The following FAT3 variants were observed in gnomAD, a reference collection of about 807,000 sequenced individuals.
The protein encoded by FAT3 is FAT atypical cadherin 3.
In FAT3, 95 loss-of-function variants were observed where a neutral mutation model predicts 310.2. That is an observed-to-expected ratio of 0.31 (90% CI 0.26 to 0.36). The LOEUF (loss-of-function observed/expected upper bound fraction) is 0.36, where lower values mean the gene tolerates loss of function less well. Among genes scored for constraint, FAT3 ranks in the 10% least tolerant of loss-of-function variants. FAT3 has a pLI of 1.00. For missense variants in FAT3, 5,408 were observed against 5,715.6 expected (o/e 0.95, Z 1.74); for synonymous variants, 2,314 against 2,192.9 (o/e 1.06, Z -1.54).
chr11:92,562,485 A>G (rs2135473908), intron 3 of FAT3, among the ~76,000 whole-genome samples: 1 of 152,322 alleles, frequency 6.6e-6, no homozygotes, highest in African/African-American at 2.4e-5. Flanking sequence ...ATACTATCTC[A>G]CAATGTGTAT....
intron 3 of FAT3, among the ~76,000 whole-genome samples, chr11:92,639,964 A>G (rs1941898609): frequency 6.6e-6 from 1 of 152,122 alleles, no homozygotes; most frequent in South Asian, 2.1e-4. Flanking sequence ...CTAATGGCTT[A>G]TACATGCCAC....
intron 4 of FAT3, among the ~76,000 whole-genome samples, chr11:92,708,637 A>G (rs1591634138): frequency 6.6e-6 from 1 of 152,342 alleles, no homozygotes; most frequent in East Asian, 1.9e-4. Context: ...AATTCAGAAC[A>G]CTTAAGGCCT....
At chr11:92,357,597 G>T (rs1297859170) in intron 2 of FAT3, among the ~76,000 whole-genome samples, 1 of 152,120 alleles carries the variant, frequency 6.6e-6, no homozygotes, top group African/African-American at 2.4e-5. Context: ...TCAGGTAAAT[G>T]TGGATAGGTA....
intron 2 of FAT3, among the ~76,000 whole-genome samples, chr11:92,405,299 T>G (rs529370804): frequency 6.6e-6 from 1 of 152,134 alleles, no homozygotes; most frequent in African/African-American, 2.4e-5. Flanking sequence ...TCATGGAGGG[T>G]GCACCTGGGA....
At chr11:92,625,173 A>G (rs1941271932) in intron 3 of FAT3, among the ~76,000 whole-genome samples, 1 of 152,218 alleles carries the variant, frequency 6.6e-6, no homozygotes, top group African/African-American at 2.4e-5. Context: ...AATTGGTTTC[A>G]TGCTATGCTG....
At chr11:92,281,153 A>G (rs1367393507) in intron 1 of FAT3, among the ~76,000 whole-genome samples, 1 of 152,138 alleles carries the variant, frequency 6.6e-6, no homozygotes, top group Non-Finnish European at 1.5e-5. Flanking sequence ...TAAAACCTAT[A>G]ATATTAAATG....
At chr11:92,774,019 C>T in intron 6 of FAT3, 22 bp from the exon 7 acceptor site, 3 of 1,610,692 alleles carry the variant, frequency 1.9e-6, no homozygotes, top group Non-Finnish European at 2.5e-6. Flanking sequence ...TTGCTAATTT[C>T]ATGTTTCTGT....
intron 2 of FAT3, among the ~76,000 whole-genome samples, chr11:92,507,260 G>T (rs1195849247): frequency 6.6e-6 from 1 of 152,134 alleles, no homozygotes; most frequent in African/African-American, 2.4e-5. Flanking sequence ...AACAATCCAA[G>T]AAATCTATAG....
At chr11:92,567,016 CA>C (rs1192799273) in intron 3 of FAT3, among the ~76,000 whole-genome samples, 4 of 152,060 alleles carry the variant, frequency 2.6e-5, no homozygotes, top group Non-Finnish European at 5.9e-5. Context: ...GCAATGGCAA[CA>C]AAAGCCAAAA....
intron 4 of FAT3, among the ~76,000 whole-genome samples, chr11:92,753,044 C>T (rs1945870720): frequency 6.6e-6 from 1 of 152,134 alleles, no homozygotes; most frequent in Non-Finnish European, 1.5e-5. Context: ...TAAAACATAG[C>T]CTCCCAAATT....
chr11:92,709,716 A>G (rs1944463413), intron 4 of FAT3, among the ~76,000 whole-genome samples: 1 of 152,222 alleles, frequency 6.6e-6, no homozygotes, highest in African/African-American at 2.4e-5. Flanking sequence ...AATATACACT[A>G]AGCACACAGA....
intron 2 of FAT3, among the ~76,000 whole-genome samples, chr11:92,416,779 G>T (rs1950424971): frequency 6.6e-6 from 1 of 152,176 alleles, no homozygotes; most frequent in African/African-American, 2.4e-5. Context: ...CCAGTTAAGA[G>T]GGTGAACGCA....
Position 92,801,369 on chromosome 11 carries a change from A to T in FAT3, c.8356A>T (p.Thr2786Ser), listed in dbSNP as rs1488426308. ...AGCTTTCCACTTTAAAGTAGCAGCC[A>T]CTATACCCCTGGACAAAGTAGACAT... is the stretch of plus-strand genomic sequence containing the variant. ...SPAFHFKVAA[T>S]IPLDKVDIVF... is the part of the protein sequence containing the mutation. Residue 2786 changes from threonine to serine, a missense_variant, in exon 10 of 28, where the codon ACT (threonine) becomes TCT (serine). Thr to Ser is a moderately conservative substitution (Grantham distance 58, BLOSUM62 1). Around this residue, in one of 5 missense-constraint regions of FAT3, gnomAD observed 4,588 missense variants for 4,809.8 expected, o/e 0.95. Transcript: ENST00000525166. The T allele has an allele frequency of 3.7e-6, 6 of 1,613,850 alleles. No individual in the cohort carries two copies. In the African/African-American group the frequency reaches 4.0e-5, roughly 11 times the overall value.
chr11:92,293,431 T>C (rs1946753409), intron 1 of FAT3, among the ~76,000 whole-genome samples: 1 of 149,764 alleles, frequency 6.7e-6, no homozygotes, highest in African/African-American at 2.5e-5. Flanking sequence ...TATGTCGATA[T>C]AAAGAAGAAA....
intron 2 of FAT3, among the ~76,000 whole-genome samples, chr11:92,391,586 A>G (rs770122773): frequency 4.6e-5 from 7 of 152,142 alleles, no homozygotes; most frequent in Non-Finnish European, 7.3e-5. Context: ...AGGGAGGATC[A>G]TGTGTATTCT....
At chr11:92,556,335 G>A (rs1054497893) in intron 3 of FAT3, among the ~76,000 whole-genome samples, 17 of 152,084 alleles carry the variant, frequency 1.1e-4, no homozygotes, top group African/African-American at 3.1e-4. Flanking sequence ...CTTGCTTGCC[G>A]TCATCCTCTC....
chr11:92,592,211 A>C (rs558917691), intron 3 of FAT3, among the ~76,000 whole-genome samples: 110 of 152,182 alleles, frequency 7.2e-4, no homozygotes, highest in Admixed American at 3.5e-3. Flanking sequence ...AAAAAGGCAC[A>C]GTCTCATTAG....
chr11:92,402,432 T>C (rs1333053220), intron 2 of FAT3, among the ~76,000 whole-genome samples: 1 of 151,988 alleles, frequency 6.6e-6, no homozygotes, highest in Non-Finnish European at 1.5e-5. Context: ...AGAGTAATAT[T>C]ACTCAAGAAT....
intron 3 of FAT3, among the ~76,000 whole-genome samples, chr11:92,591,140 A>G (rs1427188994): frequency 2.0e-5 from 3 of 152,194 alleles, no homozygotes; most frequent in African/African-American, 7.2e-5. Context: ...CAAGCCAAAT[A>G]TAAATTTACC....
Sources: allele counts gnomAD v4.1 joint callset (sites outside exome capture counted in the v4.1 genomes callset), GRCh38; gene constraint gnomAD v4.1.1; regional missense constraint gnomAD v4.1.1; transcripts MANE v1.5; gene names NCBI Gene and HGNC (gene_info 2026-07-23, HGNC 2026-07-21).